The following KDM4C variants were observed in gnomAD, a reference collection of about 807,000 sequenced individuals.
KDM4C encodes lysine-specific demethylase 4C.
A neutral mutation model predicts 129.3 loss-of-function variants in KDM4C; 81 were observed. The observed-to-expected ratio is 0.63, with a 90% CI of 0.52 to 0.75. The LOEUF (loss-of-function observed/expected upper bound fraction) is 0.75. Among genes scored for constraint, KDM4C ranks in the 30% least tolerant of loss-of-function variants. The probability of loss-of-function intolerance (pLI) is 0.00; values close to 1 mark genes in which losing one functional copy is unlikely to be tolerated. For synonymous variants in KDM4C, 573 were observed against 456.1 expected, an observed-to-expected ratio of 1.26 and a Z score of -3.26; for missense variants, 1,457 against 1,304.0, an observed-to-expected ratio of 1.12 and a Z score of -1.81.
At chr9:7,029,068 G>C (rs1179127852) in intron 15 of KDM4C, among the ~76,000 whole-genome samples, 1 of 152,100 alleles carries the variant, frequency 6.6e-6, no homozygotes, top group Non-Finnish European at 1.5e-5. Context: ...TGTTAAATTT[G>C]GTGTTCCTCC....
intron 18 of KDM4C, among the ~76,000 whole-genome samples, chr9:7,116,012 G>A (rs1204882395): frequency 6.6e-6 from 1 of 152,036 alleles, no homozygotes; most frequent in Admixed American, 6.5e-5. Context: ...CACTGGTGTA[G>A]TGGGTCACTG....
At chr9:6,924,904 C>A (rs1319094498) in intron 8 of KDM4C, 19 of 984,500 alleles carry the variant, frequency 1.9e-5, no homozygotes, top group Non-Finnish European at 2.3e-5. Flanking sequence ...TTTTGTTGGT[C>A]AGAGTACAGC....
At chr9:6,843,065 G>T (rs1338578931) in intron 4 of KDM4C, among the ~76,000 whole-genome samples, 1 of 152,208 alleles carries the variant, frequency 6.6e-6, no homozygotes, top group African/African-American at 2.4e-5. Flanking sequence ...GAGTAGCTGG[G>T]ATTATAGGCA....
At chr9:6,967,998 A>G (rs1362363301) in intron 8 of KDM4C, among the ~76,000 whole-genome samples, 2 of 152,242 alleles carry the variant, frequency 1.3e-5, no homozygotes, top group African/African-American at 2.4e-5. Flanking sequence ...TAATGACTGA[A>G]TGAGAAAATG....
At chr9:7,116,826 C>T (rs1838948932) in intron 18 of KDM4C, among the ~76,000 whole-genome samples, 1 of 152,144 alleles carries the variant, frequency 6.6e-6, no homozygotes, top group Admixed American at 6.5e-5. Context: ...TCATTCTCTC[C>T]TCATGTAAGC....
intron 6 of KDM4C, among the ~76,000 whole-genome samples, chr9:6,881,183 A>G (rs962607065): frequency 6.6e-6 from 1 of 152,238 alleles, no homozygotes; most frequent in Admixed American, 6.5e-5. Flanking sequence ...TTTAACAGAA[A>G]CTGTTAATGG....
At chr9:6,966,490 T>C (rs1000652740) in intron 8 of KDM4C, among the ~76,000 whole-genome samples, 2 of 152,188 alleles carry the variant, frequency 1.3e-5, no homozygotes, top group African/African-American at 4.8e-5. Context: ...TACTTTTATG[T>C]AACATTTTAC....
Position 6,722,308 on chromosome 9 carries a change from C to G in KDM4C, c.49+1311C>G, listed in dbSNP as rs190277919. The stretch of plus-strand genomic sequence containing the variant: ...TCCCAGTGTCCTAGTTGTTACTAGA[C>G]AGTGTGGGCTGGGTTAGATGAAATG... On this transcript the variant is annotated intron_variant, in intron 1 of 17. Coordinates refer to the KDM4C transcript ENST00000536108. Among the ~76,000 whole-genome samples, 56 of 152,114 alleles carry G rather than the reference C, an allele frequency of 3.7e-4. 1 individual carries two copies. In the East Asian group the frequency reaches 8.5e-3, roughly 23 times the overall value.
intron 15 of KDM4C, among the ~76,000 whole-genome samples, chr9:7,022,532 G>T (rs1586979360): frequency 6.6e-6 from 1 of 151,194 alleles, no homozygotes; most frequent in South Asian, 2.1e-4. Context: ...ATCAGTTCTA[G>T]TAGTTTTTTG....
intron 8 of KDM4C, among the ~76,000 whole-genome samples, chr9:6,950,975 T>A (rs1156661016): frequency 6.6e-6 from 1 of 152,198 alleles, no homozygotes; most frequent in Non-Finnish European, 1.5e-5. Context: ...GTACTTATTC[T>A]TTGCCATCTC....
intron 21 of KDM4C, 140 bp from the exon 22 acceptor site, chr9:7,174,412 GC>G: frequency 1.4e-6 from 1 of 697,890 alleles, no homozygotes; most frequent in Non-Finnish European, 2.4e-6. Flanking sequence ...AAAGCCCAAA[GC>G]CATGCCTGGG....
chr9:7,142,625 G>A (rs1841861135), intron 19 of KDM4C, among the ~76,000 whole-genome samples: 1 of 152,080 alleles, frequency 6.6e-6, no homozygotes, highest in Admixed American at 6.6e-5. Context: ...GACTAACTTT[G>A]GTAGATAAAA....
At chr9:6,863,914 A>G (rs1841456957) in intron 5 of KDM4C, among the ~76,000 whole-genome samples, 2 of 152,048 alleles carry the variant, frequency 1.3e-5, no homozygotes, top group African/African-American at 4.8e-5. Flanking sequence ...GCACCAAGCT[A>G]TTCATGAGTG....
At chr9:6,757,613 C>G, upstream of KDM4C, 2 of 985,366 alleles carry the variant, frequency 2.0e-6, no homozygotes, top group African/African-American at 1.7e-5. Context: ...CCCGGTAACG[C>G]CACGCTGACG....
intron 21 of KDM4C, chr9:7,170,253 A>C (rs1844827874): frequency 1.7e-6 from 2 of 1,146,390 alleles, no homozygotes; most frequent in Middle Eastern, 7.8e-4. Flanking sequence ...AAAAGTATTC[A>C]GGAGTAGATC....
chr9:7,034,092 A>G (rs1162878727), intron 15 of KDM4C, among the ~76,000 whole-genome samples: 3 of 152,038 alleles, frequency 2.0e-5, no homozygotes, highest in African/African-American at 7.3e-5. Flanking sequence ...TGTTTTTTAA[A>G]TTGACATAAT....
At chr9:6,939,279 G>C (rs1222404520) in intron 8 of KDM4C, among the ~76,000 whole-genome samples, 5 of 152,058 alleles carry the variant, frequency 3.3e-5, no homozygotes, top group Non-Finnish European at 7.4e-5. Context: ...GCACATGGGA[G>C]GGATCTAGGT....
At chr9:7,148,920 C>A (rs1174214040) in intron 19 of KDM4C, among the ~76,000 whole-genome samples, 1 of 152,222 alleles carries the variant, frequency 6.6e-6, no homozygotes, top group African/African-American at 2.4e-5. Context: ...CAAGGAAGTT[C>A]TCACTCCCTG....
intron 13 of KDM4C, 23 bp from the exon 14 acceptor site, chr9:7,013,765 T>C (rs1293279314): frequency 3.7e-6 from 6 of 1,608,674 alleles, no homozygotes; most frequent in Admixed American, 3.3e-5. Context: ...TTTTCACTCA[T>C]GTGGAAACGT....
Sources: allele counts gnomAD v4.1 joint callset (sites outside exome capture counted in the v4.1 genomes callset), GRCh38; gene constraint gnomAD v4.1.1; transcripts MANE v1.5; gene names NCBI Gene and HGNC (gene_info 2026-07-23, HGNC 2026-07-21).